The following ATM variants were observed in gnomAD, a reference collection of about 807,000 sequenced individuals.
ATM encodes the protein serine-protein kinase ATM.
Under a neutral mutation model 387.0 loss-of-function variants are expected in ATM, and 308 were observed. The observed-to-expected ratio is 0.80, with a 90% confidence interval of 0.73 to 0.87. The LOEUF (loss-of-function observed/expected upper bound fraction) is 0.87, where lower values mean the gene tolerates loss of function less well. ATM is among the 40% of genes least tolerant of loss of function. The pLI, the probability that ATM is intolerant of heterozygous loss-of-function variation, is 0.00. For synonymous variants in ATM, 1,156 were observed against 1,187.3 expected (o/e 0.97, Z 0.54); for missense variants, 3,312 against 3,560.9 (o/e 0.93, Z 1.78).
In ATM at chr11:108,251,847, T is replaced by G. The variant is rs759661681; in HGVS notation, c.1618T>G (p.Cys540Gly). 1 of 1,613,836 alleles carries G rather than the reference T, an allele frequency of 6.2e-7. No homozygotes were observed. The highest frequency in any genetic ancestry group is 8.5e-7 in the Non-Finnish European group (1 of 1,179,788). The change falls in exon 11 of 63, where the codon TGC (cysteine) becomes GGC (glycine). Residue 540 changes from cysteine to glycine, a missense_variant. By Grantham distance (159) the Cys-to-Gly change is radical (BLOSUM62 -3). Around this residue, in one of 4 missense-constraint regions of ATM, gnomAD observed 1,791 missense variants for 1,804.5 expected, o/e 0.99. Coordinates refer to ENST00000675843, the MANE Select transcript of ATM (RefSeq NM_000051.4). ...SACRPSCPAV[C>G]CLTLALTTSI... Reference sequence around the variant, plus strand: ...TTTGTTTTGTTATAGTCCTGCAGTATGCTGTTTGACTTTGGCACTGACCAC... The same window carrying G: ...TTTGTTTTGTTATAGTCCTGCAGTAGGCTGTTTGACTTTGGCACTGACCAC...
intron 24 of ATM, among the ~76,000 whole-genome samples, chr11:108,282,413 C>T (rs1157995675): frequency 1.3e-5 from 2 of 152,184 alleles, no homozygotes; most frequent in Non-Finnish European, 2.9e-5. Flanking sequence ...CAGGTGTGAA[C>T]CACCACTGGC....
chr11:108,362,855 C>T (rs1455588234), intron 61 of ATM, among the ~76,000 whole-genome samples: 12 of 150,204 alleles, frequency 8.0e-5, no homozygotes, highest in African/African-American at 1.5e-4. Flanking sequence ...TGCTAGATGA[C>T]GAGTTAGTGG....
intron 28 of ATM, 95 bp from the exon 29 acceptor site, chr11:108,289,507 A>T: frequency 1.1e-6 from 1 of 882,844 alleles, no homozygotes; most frequent in Non-Finnish European, 1.7e-6. Flanking sequence ...TAAAATGTGT[A>T]GGTATTCAAA....
intron 16 of ATM, among the ~76,000 whole-genome samples, chr11:108,265,164 C>T (rs1191751701): frequency 1.3e-5 from 2 of 151,516 alleles, no homozygotes; most frequent in East Asian, 1.9e-4. Context: ...AAAAAGAGCC[C>T]GCATCGGCAA....
Position 108,249,104 on chromosome 11 carries a change from TAA to T in ATM, c.1235+4_1235+5del, listed in dbSNP as rs770033355. The T allele has an allele frequency of 3.7e-6, 6 of 1,613,884 alleles. No individual in the cohort carries two copies. In the African/African-American group the frequency reaches 5.3e-5, roughly 14 times the overall value. Reference sequence around the variant, plus strand: ...GAATGATTTTGATCTTGTGCCTTGGTAAAGTGTTACCATTTTCTCATTCAGTG... The same window carrying T: ...GAATGATTTTGATCTTGTGCCTTGGTAGTGTTACCATTTTCTCATTCAGTG... On this transcript the variant is annotated splice_donor_region_variant and intron_variant, in intron 9 of 62. Coordinates refer to ENST00000675843, the MANE Select transcript of ATM (RefSeq NM_000051.4).
chr11:108,268,660 C>A (rs2135528692), intron 18 of ATM, 51 bp downstream of exon 18: 1 of 1,560,066 alleles, frequency 6.4e-7, no homozygotes, highest in East Asian at 2.2e-5. Flanking sequence ...ATGTTGCTGA[C>A]TAAATGTAAT....
chr11:108,226,258 T>C (rs915765689), intron 1 of ATM: 50 of 152,148 alleles, frequency 3.3e-4, no homozygotes, highest in African/African-American at 1.1e-3. Context: ...GTAGTGAGCA[T>C]AGTACCTGAT....
At chr11:108,244,579 G>T (rs2079737068) in intron 6 of ATM, among the ~76,000 whole-genome samples, 1 of 151,766 alleles carries the variant, frequency 6.6e-6, no homozygotes. Context: ...AACAGAAGTG[G>T]TCTCTTAACA....
intron 4 of ATM, chr11:108,229,701 A>C (rs2078917683): frequency 4.8e-6 from 1 of 207,872 alleles, no homozygotes. Context: ...TATTTAAGAG[A>C]TAGGGTGTCA....
intron 53 of ATM, 62 bp downstream of exon 53, chr11:108,332,962 T>C: frequency 6.4e-7 from 1 of 1,561,450 alleles, no homozygotes; most frequent in Non-Finnish European, 8.7e-7. Flanking sequence ...TAGAGATATA[T>C]TAGTTATAGA....
intron 4 of ATM, among the ~76,000 whole-genome samples, chr11:108,232,974 C>T (rs1205331105): frequency 2.0e-5 from 3 of 152,074 alleles, no homozygotes; most frequent in East Asian, 1.9e-4. Flanking sequence ...GCGATTCTCC[C>T]GCCTCAGCTT....
At chr11:108,269,537 A>G (rs1056056033) in intron 18 of ATM, among the ~76,000 whole-genome samples, 1 of 152,188 alleles carries the variant, frequency 6.6e-6, no homozygotes, top group African/African-American at 2.4e-5. Flanking sequence ...AAACCTGACT[A>G]TCCACTCAAC....
Position 108,272,757 on chromosome 11 carries a change from A to G in ATM, c.3189A>G (p.Val1063=), listed in dbSNP as rs76122065. 1.9e-6 allele frequency: 3 copies of G among 1,614,054 alleles called. No homozygotes were observed. The highest frequency in any genetic ancestry group is 3.3e-5 in the Admixed American group (2 of 60,016). The stretch of plus-strand genomic sequence containing the variant: ...ATTCAAAATGGGCCATTCTTAATGT[A>G]ATGGGAAAAGACTTTCCTGTAAATG... ...DPYSKWAILN[V]MGKDFPVNEV... The change falls in exon 22 of 63, where the codon GTA becomes GTG. Residue 1063 remains valine (V), a synonymous_variant. Coordinates refer to ENST00000675843, the MANE Select transcript of ATM (RefSeq NM_000051.4).
At chr11:108,276,777 C>G (rs1793913270) in intron 22 of ATM, among the ~76,000 whole-genome samples, 1 of 152,108 alleles carries the variant, frequency 6.6e-6, no homozygotes, top group African/African-American at 2.4e-5. Context: ...GCAGCGGGAG[C>G]TCTTCTGTAT....
Position 108,297,465 on chromosome 11 carries a change from G to GT in ATM, c.5005+84dup, listed in dbSNP as rs2083189606. Reference sequence around the variant, plus strand: ...CAGATTATAATACTGTATTTTTACTGTATGTTTTCTGTTGCCTGTAGTATT... The same window carrying GT: ...CAGATTATAATACTGTATTTTTACTGTTATGTTTTCTGTTGCCTGTAGTATT... On this transcript the variant is annotated intron_variant, in intron 33 of 62. Coordinates refer to ENST00000675843, the MANE Select transcript of ATM (RefSeq NM_000051.4). 6 of 1,200,264 alleles carry GT rather than the reference G, an allele frequency of 5.0e-6. No individual in the cohort carries two copies. The East Asian group carries it at 1.5e-4, about 30-fold the overall frequency. The allele number at this position is 1,200,264 out of a possible 1,614,324, so 74.4% of individuals were successfully genotyped here.
intron 31 of ATM, 59 bp from the exon 32 acceptor site, chr11:108,294,868 G>A: frequency 6.3e-7 from 1 of 1,599,506 alleles, no homozygotes; most frequent in Non-Finnish European, 8.6e-7. Context: ...CTTTTATTAA[G>A]TTTTATTTCA....
chr11:108,315,768 A>T, intron 40 of ATM, 55 bp from the exon 41 acceptor site: 1 of 1,450,962 alleles, frequency 6.9e-7, no homozygotes, highest in Non-Finnish European at 9.6e-7. Context: ...AATTTGCTAA[A>T]TTTATAGACC....
At chr11:108,325,599 TA>T in intron 46 of ATM, 55 bp downstream of exon 46, 3 of 1,422,184 alleles carry the variant, frequency 2.1e-6, no homozygotes, top group Non-Finnish European at 2.9e-6. Flanking sequence ...TTTTATTATT[TA>T]AAAAACAGAA....
In ATM at chr11:108,345,916, TC is replaced by T. The variant is rs1565564405; in HGVS notation, c.8584+9del. 2.5e-6 allele frequency: 4 copies of T among 1,613,524 alleles called. No homozygotes were observed. Among genetic ancestry groups the T allele is most frequent in the Non-Finnish European group, 1.7e-6 (2 of 1,179,606 alleles). The stretch of plus-strand genomic sequence containing the variant: ...TAGCTACTTCTTCTATTGGTAATCT[TC>T]TTGTACATATAGTAGATTGAGCACT... On this transcript the variant is annotated intron_variant, in intron 58 of 62. Transcript: ENST00000675843.
Sources: allele counts gnomAD v4.1 joint callset (sites outside exome capture counted in the v4.1 genomes callset), GRCh38; gene constraint gnomAD v4.1.1; regional missense constraint gnomAD v4.1.1; transcripts MANE v1.5; gene names NCBI Gene and HGNC (gene_info 2026-07-23, HGNC 2026-07-21).